XRCC5: variants seen among roughly 807,000 people sequenced by gnomAD.
The protein encoded by XRCC5 is X-ray repair cross complementing 5.
XRCC5 carries 12 observed loss-of-function variants against 95.7 expected under a neutral mutation model. That is an observed-to-expected ratio of 0.13 (90% CI 0.08 to 0.20). XRCC5 has a LOEUF of 0.20. Ranked by LOEUF, XRCC5 falls within the 10% of genes least tolerant of loss-of-function variation. XRCC5 has a pLI of 1.00. For synonymous variants in XRCC5, 281 were observed against 290.3 expected (o/e 0.97, Z 0.33); for missense variants, 595 against 873.9 (o/e 0.68, Z 4.02).
intron 14 of XRCC5, chr2:216,156,773 G>T: frequency 1.9e-6 from 1 of 526,834 alleles, no homozygotes; most frequent in Non-Finnish European, 3.8e-6. Context: ...CAAAGTCTAT[G>T]TCCATGAGAG....
chr2:216,160,252 C>G (rs1423475609), intron 15 of XRCC5, 91 bp downstream of exon 15: 1 of 796,472 alleles, frequency 1.3e-6, no homozygotes, highest in African/African-American at 1.8e-5. Context: ...CCGTTCTTAC[C>G]ACTTTCAAGT....
rs527727390 is a variant in XRCC5, at chr2:216,133,735, A to C, written c.1113+1348A>C. On this transcript the variant is annotated intron_variant, in intron 10 of 20. Coordinates refer to ENST00000392132, the MANE Select transcript of XRCC5 (RefSeq NM_021141.4). ...AAAAACAGATTTATCTCCTAATGGC[A>C]AAGGGATACTCTCTAGTGTCAGTTT... 1.1e-3 allele frequency among the ~76,000 whole-genome samples: 166 copies of C among 152,340 alleles called. 2 individuals carry two copies. Among genetic ancestry groups the C allele is most frequent in the African/African-American group, 3.9e-3 (162 of 41,562 alleles).
At chr2:216,141,062 T>C (rs2106014731) in intron 12 of XRCC5, 124 bp from the exon 13 acceptor site, 1 of 1,100,196 alleles carries the variant, frequency 9.1e-7, no homozygotes, top group African/African-American at 1.6e-5. Flanking sequence ...AGCTAGAGAA[T>C]ACTTTGGCAG....
chr2:216,174,302 G>A (rs1689229196), intron 16 of XRCC5, among the ~76,000 whole-genome samples: 1 of 152,122 alleles, frequency 6.6e-6, no homozygotes, highest in Admixed American at 6.5e-5. Flanking sequence ...CTCTTCACAT[G>A]TCAGTGCCCA....
At chr2:216,200,090 A>G (rs1346830770) in intron 19 of XRCC5, among the ~76,000 whole-genome samples, 1 of 152,124 alleles carries the variant, frequency 6.6e-6, no homozygotes, top group Non-Finnish European at 1.5e-5. Flanking sequence ...CCTCACAGCA[A>G]GCTAGTGGCC....
intron 15 of XRCC5, among the ~76,000 whole-genome samples, chr2:216,161,581 T>A (rs907403741): frequency 2.6e-5 from 4 of 152,234 alleles, no homozygotes; most frequent in Non-Finnish European, 5.9e-5. Flanking sequence ...TCATGTTATC[T>A]TAGTGGGGCA....
At chr2:216,139,495 C>T (rs559898329) in intron 12 of XRCC5, among the ~76,000 whole-genome samples, 1 of 152,076 alleles carries the variant, frequency 6.6e-6, no homozygotes, top group Non-Finnish European at 1.5e-5. Context: ...CAAGAAAGAC[C>T]AGCCCCTCTG....
chr2:216,142,109 C>T (rs1697182485), intron 13 of XRCC5, among the ~76,000 whole-genome samples: 2 of 152,064 alleles, frequency 1.3e-5, no homozygotes. Context: ...TAGGCTCAAG[C>T]ATTCTGAGTA....
At chr2:216,117,696 G>GAA (rs760881381) in intron 3 of XRCC5, 50 bp from the exon 4 acceptor site, 1 of 1,587,812 alleles carries the variant, frequency 6.3e-7, no homozygotes, top group South Asian at 1.1e-5. Context: ...AGAGTTGCGT[G>GAA]TTCACATGAA....
chr2:216,153,209 T>G (rs1404577815), intron 14 of XRCC5, among the ~76,000 whole-genome samples: 1 of 152,240 alleles, frequency 6.6e-6, no homozygotes, highest in Admixed American at 6.5e-5. Context: ...TTTGTGGTTC[T>G]TTGCTTTCTT....
chr2:216,141,540 C>CTTTTTTTTTTTTTTTTTTTTTTTT (rs71401137), intron 13 of XRCC5, among the ~76,000 whole-genome samples: 2 of 65,004 alleles, frequency 3.1e-5, no homozygotes, highest in Non-Finnish European at 5.3e-5. Flanking sequence ...TCTTTCTTTT[C>CTTTTTTTTTTTTTTTTTTTTTTTT]TTTTTTTTTT....
intron 8 of XRCC5, 106 bp downstream of exon 8, chr2:216,127,780 G>C: frequency 1.6e-6 from 2 of 1,268,392 alleles, no homozygotes; most frequent in South Asian, 1.6e-5. Flanking sequence ...ATTTCTTTGA[G>C]TTATAGAAAT....
intron 19 of XRCC5, among the ~76,000 whole-genome samples, chr2:216,198,161 T>C (rs1229447031): frequency 6.6e-6 from 1 of 152,250 alleles, no homozygotes; most frequent in Non-Finnish European, 1.5e-5. Context: ...AGGATTAAAA[T>C]GCACGTTCCT....
chr2:216,126,153 C>G (rs925104817), intron 7 of XRCC5, 122 bp downstream of exon 7: 3 of 752,302 alleles, frequency 4.0e-6, no homozygotes, highest in Admixed American at 2.7e-5. Context: ...TCTAGTTGTT[C>G]TCCCTGCTCA....
At chr2:216,133,331 C>G (rs893589993) in intron 10 of XRCC5, among the ~76,000 whole-genome samples, 9 of 152,192 alleles carry the variant, frequency 5.9e-5, no homozygotes, top group African/African-American at 2.2e-4. Flanking sequence ...CACAACTTAG[C>G]TGAAGTTTTA....
Position 216,194,549 on chromosome 2 carries a change from A to G in XRCC5, c.2042-370A>G, listed in dbSNP as rs1243521805. On this transcript the variant is annotated intron_variant, in intron 18 of 20. Transcript: ENST00000392132. ...CTTCATGGAACACGTGGCATTTGAC[A>G]TGCGGCCTTTATTGCTTATTACACA... Among the ~76,000 whole-genome samples, 10 of 152,256 alleles carry G rather than the reference A, an allele frequency of 6.6e-5. 1 individual carries two copies. Among genetic ancestry groups the G allele is most frequent in the South Asian group, 4.1e-4 (2 of 4,836 alleles).
chr2:216,198,262 C>G (rs137938725), intron 19 of XRCC5, among the ~76,000 whole-genome samples: 3 of 152,292 alleles, frequency 2.0e-5, no homozygotes, highest in Non-Finnish European at 4.4e-5. Context: ...TACTCCCTGT[C>G]TGCTTCATCT....
At chr2:216,195,360 C>CTTTTCTTTTCTTTTCTTTTCTTTTCTT (rs1689697483) in intron 19 of XRCC5, among the ~76,000 whole-genome samples, 1 of 101,070 alleles carries the variant, frequency 9.9e-6, no homozygotes. Context: ...CTTTTCTTTT[C>CTTTTCTTTTCTTTTCTTTTCTTTTCTT]TTTTCTTTTC....
intron 19 of XRCC5, 168 bp from the exon 20 acceptor site, chr2:216,204,154 A>G: frequency 1.4e-6 from 1 of 717,598 alleles, no homozygotes; most frequent in South Asian, 1.8e-5. Context: ...TCTCACCCAA[A>G]GCCAAATGAA....
Sources: gnomAD v4.1 joint callset for allele counts (sites outside exome capture counted in the v4.1 genomes callset) on GRCh38, gnomAD v4.1.1 for gene constraint, MANE v1.5 for transcripts, NCBI Gene and HGNC (gene_info 2026-07-23, HGNC 2026-07-21) for gene names.